SPATA9: variants seen among roughly 807,000 people sequenced by gnomAD.
The protein encoded by SPATA9 is spermatogenesis-associated protein 9.
SPATA9 carries 27 observed loss-of-function variants against 25.5 expected under a neutral mutation model. The observed-to-expected ratio is 1.06, with a 90% CI of 0.78 to 1.46. The LOEUF (loss-of-function observed/expected upper bound fraction) is 1.46. Ranked by LOEUF, SPATA9 falls within the 40% of genes most tolerant of loss-of-function variation. SPATA9 has a pLI of 0.00. For synonymous variants in SPATA9, 102 were observed against 105.7 expected, an observed-to-expected ratio of 0.97 and a Z score of 0.21; for missense variants, 282 against 297.5, an observed-to-expected ratio of 0.95 and a Z score of 0.38.
chr5:95,691,001 TTC>T (rs1487235336), intron 1 of SPATA9, among the ~76,000 whole-genome samples: 2 of 152,180 alleles, frequency 1.3e-5, no homozygotes, highest in African/African-American at 2.4e-5. Context: ...TCTAATTTTC[TTC>T]TGTTTCTTTT....
At chr5:95,665,833 G>T (rs868240942) in intron 3 of SPATA9, among the ~76,000 whole-genome samples, 1 of 152,210 alleles carries the variant, frequency 6.6e-6, no homozygotes, top group Non-Finnish European at 1.5e-5. Context: ...GCCAGGCCTG[G>T]TGGCGCATGC....
intron 1 of SPATA9, among the ~76,000 whole-genome samples, chr5:95,688,793 C>A (rs1469602124): frequency 2.0e-5 from 3 of 151,950 alleles, no homozygotes; most frequent in Non-Finnish European, 4.4e-5. Context: ...GTAATGATTG[C>A]ACTCATAGCT....
chr5:95,654,033 G>GT (rs1449873344), downstream of SPATA9: 1 of 1,595,122 alleles, frequency 6.3e-7, no homozygotes, highest in Non-Finnish European at 8.5e-7. Context: ...AATACTTCTT[G>GT]TAACTTTCCT....
At chr5:95,707,864 T>TA in the SPATA9 span, among the ~76,000 whole-genome samples, 2 of 152,154 alleles carry the variant, frequency 1.3e-5, no homozygotes, top group East Asian at 3.9e-4. Context: ...ACAGAGTTAG[T>TA]AAAAACCAGG....
At position 95,658,739 on chromosome 5, in the gene SPATA9, G is replaced by C. The variant is rs772172597; in HGVS notation, c.649C>G (p.Pro217Ala). Reference sequence around the variant, plus strand: ...TAATCTGAAATGTCTGGCTTCTCCGGCAATGACCTATAAGGTTTTGCTTTG... The same window carrying C: ...TAATCTGAAATGTCTGGCTTCTCCGCCAATGACCTATAAGGTTTTGCTTTG... Reference protein sequence around the residue: ...EIKAKPYRSLPEKPDISDYPK... With the variant: ...EIKAKPYRSLAEKPDISDYPK... The change falls in exon 5 of 5, where the codon CCG becomes GCG. Residue 217 changes from proline (P) to alanine (A), a missense_variant. Transcript: ENST00000274432. 2 of 1,613,730 alleles carry C rather than the reference G, an allele frequency of 1.2e-6. No homozygotes were observed. Among genetic ancestry groups the C allele is most frequent in the Non-Finnish European group, 8.5e-7 (1 of 1,179,848 alleles).
chr5:95,662,928 AATG>A (rs1657686325), intron 4 of SPATA9, among the ~76,000 whole-genome samples: 2 of 152,220 alleles, frequency 1.3e-5, no homozygotes, highest in South Asian at 4.1e-4. Context: ...TACTGTCAGT[AATG>A]ATGTGGAGCA....
chr5:95,706,575 AGT>A, the SPATA9 span, among the ~76,000 whole-genome samples: 1 of 152,148 alleles, frequency 6.6e-6, no homozygotes, highest in African/African-American at 2.4e-5. Context: ...ATGTCTTTAT[AGT>A]GTGTGAGAAG....
At chr5:95,726,295 G>T in the SPATA9 span, among the ~76,000 whole-genome samples, 5 of 152,252 alleles carry the variant, frequency 3.3e-5, no homozygotes, top group African/African-American at 1.2e-4. Context: ...CTAAGAGTGT[G>T]TTGCTTTTTG....
At chr5:95,699,364 G>A (rs918863713), upstream of SPATA9, among the ~76,000 whole-genome samples, 1 of 152,114 alleles carries the variant, frequency 6.6e-6, no homozygotes, top group Non-Finnish European at 1.5e-5. Flanking sequence ...GTATCACAGT[G>A]CCTGGTATAC....
upstream of SPATA9, among the ~76,000 whole-genome samples, chr5:95,703,592 C>A (rs1754225859): frequency 6.6e-6 from 1 of 151,932 alleles, no homozygotes; most frequent in African/African-American, 2.4e-5. Context: ...CGAGATTGCA[C>A]CACTGCATTC....
At chr5:95,652,323 C>T, downstream of SPATA9, 1 of 1,550,852 alleles carries the variant, frequency 6.4e-7, no homozygotes, top group South Asian at 1.2e-5. Context: ...ATCTACACTT[C>T]CTCTCCAAGT....
At chr5:95,659,785 G>C (rs17084958) in intron 4 of SPATA9, 3,596 of 152,182 alleles carry the variant, frequency 0.024, 118 homozygotes, top group African/African-American at 0.075. Context: ...TAGAATTGAG[G>C]AACACAAGAC....
chr5:95,660,074 A>G (rs912733918), intron 4 of SPATA9, among the ~76,000 whole-genome samples: 4 of 152,174 alleles, frequency 2.6e-5, no homozygotes, highest in Admixed American at 6.5e-5. Flanking sequence ...TGCTGTAACA[A>G]AATACCATGA....
At chr5:95,708,692 T>C in the SPATA9 span, 164,085 of 691,762 alleles carry the variant, frequency 0.24, 21,535 homozygotes, top group East Asian at 0.5. Context: ...GCTGCAAGGT[T>C]GACACTTTCT....
intron 2 of SPATA9, among the ~76,000 whole-genome samples, chr5:95,679,008 C>T (rs1259126449): frequency 6.6e-6 from 1 of 152,126 alleles, no homozygotes; most frequent in African/African-American, 2.4e-5. Context: ...GAAATTACTT[C>T]AATTAGTTGG....
intron 1 of SPATA9, among the ~76,000 whole-genome samples, chr5:95,697,251 G>A (rs1754046569): frequency 1.3e-5 from 2 of 152,198 alleles, no homozygotes; most frequent in Non-Finnish European, 2.9e-5. Context: ...AAGCTCACTC[G>A]TGTGCCTTTT....
At chr5:95,663,915 AG>A (rs768811489) in intron 4 of SPATA9, 37 bp downstream of exon 4, 2 of 1,164,920 alleles carry the variant, frequency 1.7e-6, no homozygotes, top group South Asian at 1.5e-5. Flanking sequence ...CAAAATAAGT[AG>A]ATTTATTTCT....
chr5:95,659,555 T>G (rs527715413), intron 4 of SPATA9: 3 of 152,306 alleles, frequency 2.0e-5, no homozygotes, highest in African/African-American at 7.2e-5. Context: ...TGCTGAGTAT[T>G]CAAGGCACGC....
At chr5:95,695,503 C>G (rs1437102127) in intron 1 of SPATA9, among the ~76,000 whole-genome samples, 2 of 152,132 alleles carry the variant, frequency 1.3e-5, no homozygotes, top group African/African-American at 4.8e-5. Flanking sequence ...GAGGTTGAGG[C>G]AGGAGAATCG....
Sources: allele counts gnomAD v4.1 joint callset (sites outside exome capture counted in the v4.1 genomes callset), GRCh38; gene constraint gnomAD v4.1.1; transcripts MANE v1.5; gene names NCBI Gene and HGNC (gene_info 2026-07-23, HGNC 2026-07-21).